Variants in COG6 observed in about 807,000 individuals in gnomAD.
The protein encoded by COG6 is component of oligomeric golgi complex 6.
Under a neutral mutation model 88.8 loss-of-function variants are expected in COG6, and 74 were observed. The observed-to-expected ratio is 0.83, with a 90% CI of 0.69 to 1.01. The LOEUF (loss-of-function observed/expected upper bound fraction) is 1.01. COG6 is among the 50% of genes least tolerant of loss of function. COG6 has a pLI of 0.00. For missense variants in COG6, 800 were observed against 797.9 expected (o/e 1.00, Z -0.03); for synonymous variants, 286 against 278.7 (o/e 1.03, Z -0.26).
intron 18 of COG6, among the ~76,000 whole-genome samples, chr13:39,733,106 A>T (rs962083794): frequency 2.0e-5 from 3 of 152,144 alleles, no homozygotes; most frequent in African/African-American, 4.8e-5. Context: ...AAAGTGAAAT[A>T]AATGTTTTGA....
intron 13 of COG6, among the ~76,000 whole-genome samples, chr13:39,714,106 C>T (rs758465884): frequency 6.6e-6 from 1 of 152,186 alleles, no homozygotes; most frequent in Admixed American, 6.5e-5. Flanking sequence ...CCTTAAAGAC[C>T]TTATTTCAAG....
chr13:39,656,168 G>A, intron 1 of COG6: 2 of 575,830 alleles, frequency 3.5e-6, no homozygotes, highest in Non-Finnish European at 6.6e-6. Flanking sequence ...GCCTCGAGAA[G>A]TGTCCTCCAA....
At position 39,655,753 on chromosome 13, in the gene COG6, C is replaced by A. The variant is rs1448652187; in HGVS notation, c.27C>A (p.Val9=). Residue 9 remains valine (V), a synonymous_variant, in exon 1 of 19, where the codon GTC becomes GTA. Transcript: ENST00000455146. MAEGSGEV[V]AVSATGAANG... ...TGGCAGAGGGCAGCGGGGAAGTGGT[C>A]GCAGTGTCTGCGACCGGGGCTGCCA... The A allele has an allele frequency of 3.1e-6, 5 of 1,594,528 alleles. No homozygotes were observed. The highest frequency in any genetic ancestry group is 4.3e-6 in the Non-Finnish European group (5 of 1,170,630).
Position 39,719,517 on chromosome 13 carries a change from A to G in COG6, c.1417-143A>G. On this transcript the variant is annotated intron_variant, in intron 14 of 18. Transcript: ENST00000455146. ...ATATTAAACCAGTTATCATAACTTAAAAAGCATTGATTTATGTTTAATCTT... is the reference window on the plus strand; with the variant it reads ...ATATTAAACCAGTTATCATAACTTAGAAAGCATTGATTTATGTTTAATCTT... 3 of 1,161,050 alleles carry G rather than the reference A, an allele frequency of 2.6e-6. 1 individual carries two copies. The highest frequency in any genetic ancestry group is 3.7e-6 in the Non-Finnish European group (3 of 801,070). The allele number at this position is 1,161,050 out of a possible 1,614,324, so 71.9% of individuals were successfully genotyped here. A position where few individuals can be genotyped will look rare whatever the true frequency, so the allele number is the denominator to read the frequency against.
At chr13:39,774,986 A>G (rs1430932458) in intron 18 of COG6, among the ~76,000 whole-genome samples, 1 of 152,234 alleles carries the variant, frequency 6.6e-6, no homozygotes, top group Non-Finnish European at 1.5e-5. Flanking sequence ...AAAAGAGGCT[A>G]TAAAAATGCA....
chr13:39,717,562 C>T (rs866346921), intron 13 of COG6, among the ~76,000 whole-genome samples: 2 of 151,932 alleles, frequency 1.3e-5, no homozygotes, highest in South Asian at 2.1e-4. Flanking sequence ...ATTATTTATT[C>T]CACCTGCTCA....
At chr13:39,679,455 T>C in intron 5 of COG6, 83 bp from the exon 6 acceptor site, 1 of 795,058 alleles carries the variant, frequency 1.3e-6, no homozygotes, top group Non-Finnish European at 2.3e-6. Flanking sequence ...AGAGTTTGTT[T>C]GCCCTTGGTA....
At chr13:39,749,223 T>A (rs1041570287) in intron 18 of COG6, among the ~76,000 whole-genome samples, 1 of 152,208 alleles carries the variant, frequency 6.6e-6, no homozygotes, top group African/African-American at 2.4e-5. Flanking sequence ...AATAGGACTC[T>A]GTAAATAAGG....
At chr13:39,742,366 A>T (rs375119932) in intron 18 of COG6, among the ~76,000 whole-genome samples, 3 of 152,284 alleles carry the variant, frequency 2.0e-5, no homozygotes, top group African/African-American at 7.2e-5. Context: ...CCCATCTCAC[A>T]TGCAGAGACA....
At chr13:39,756,906 G>A (rs1468250005), downstream of COG6, among the ~76,000 whole-genome samples, 4 of 151,562 alleles carry the variant, frequency 2.6e-5, no homozygotes, top group African/African-American at 9.8e-5. Context: ...GAAATGAAAG[G>A]ACGCTAGACA....
At chr13:39,767,281 G>T (rs570089940) in intron 18 of COG6, among the ~76,000 whole-genome samples, 218 of 152,248 alleles carry the variant, frequency 1.4e-3, no homozygotes, top group African/African-American at 4.7e-3. Context: ...AAAATAATTT[G>T]GCTCCTTCCG....
At chr13:39,773,067 A>G (rs1057213496) in intron 18 of COG6, among the ~76,000 whole-genome samples, 1 of 152,162 alleles carries the variant, frequency 6.6e-6, no homozygotes, top group African/African-American at 2.4e-5. Flanking sequence ...AGATGGAGGG[A>G]CTTGCCCCAG....
intron 18 of COG6, among the ~76,000 whole-genome samples, chr13:39,783,668 A>C (rs1881694976): frequency 6.6e-6 from 1 of 152,172 alleles, no homozygotes; most frequent in Non-Finnish European, 1.5e-5. Flanking sequence ...AAGTGACCAG[A>C]TATTCAATAT....
rs1880666386 is a variant in COG6, at chr13:39,752,074, A to C, written c.*981A>C. 2 of 1,285,652 alleles carry C rather than the reference A, an allele frequency of 1.6e-6. No homozygotes were observed. The highest frequency in any genetic ancestry group is 2.5e-5 in the South Asian group (2 of 80,784). The allele number at this position is 1,285,652 out of a possible 1,614,324, so 79.6% of individuals were successfully genotyped here. A position where few individuals can be genotyped will look rare whatever the true frequency, so the allele number is the denominator to read the frequency against. The stretch of plus-strand genomic sequence containing the variant: ...GGACTCTGACTTTAGACCATTACCT[A>C]TTAGGAAGATTAAAAATGACTGTAT... On this transcript the variant is annotated 3_prime_UTR_variant, in exon 19 of 19. Transcript: ENST00000455146.
downstream of COG6, among the ~76,000 whole-genome samples, chr13:39,757,453 G>A (rs1880874962): frequency 6.6e-6 from 1 of 151,456 alleles, no homozygotes; most frequent in Non-Finnish European, 1.5e-5. Flanking sequence ...AAATAATAAA[G>A]ATTATAACAG....
chr13:39,668,269 G>A (rs1395496243), intron 4 of COG6, among the ~76,000 whole-genome samples: 3 of 151,864 alleles, frequency 2.0e-5, no homozygotes, highest in Non-Finnish European at 2.9e-5. Context: ...CTCAGGATTC[G>A]GCCCTTTTAA....
chr13:39,712,442 G>T (rs1446951332), intron 13 of COG6, among the ~76,000 whole-genome samples: 1 of 151,452 alleles, frequency 6.6e-6, no homozygotes, highest in Non-Finnish European at 1.5e-5. Context: ...GATTAAATAT[G>T]TAGTGGTATA....
Position 39,679,604 on chromosome 13 carries a change from A to C in COG6, c.607A>C (p.Asn203His), listed in dbSNP as rs142984333. 73 of 1,605,092 alleles carry C rather than the reference A, an allele frequency of 4.5e-5. No individual in the cohort carries two copies. The highest frequency in any genetic ancestry group is 1.2e-4 in the South Asian group (11 of 90,906). ...TGATGTCAAAGTTCTCTTGCGTACAAATCAACAAACGGCAGGGTGAGTAAC... is the reference window on the plus strand; with the variant it reads ...TGATGTCAAAGTTCTCTTGCGTACACATCAACAAACGGCAGGGTGAGTAAC... ...HNDVKVLLRT[N>H]QQTAGLEIME... is the part of the protein sequence containing the mutation. The change falls in exon 6 of 19, where the codon AAT becomes CAT. Residue 203 changes from asparagine (N) to histidine (H), a missense_variant. Coordinates refer to ENST00000455146, the MANE Select transcript of COG6 (RefSeq NM_020751.3).
Position 39,752,091 on chromosome 13 carries a change from T to C in COG6, c.*998T>C, listed in dbSNP as rs553981717. On this transcript the variant is annotated 3_prime_UTR_variant, in exon 19 of 19. Coordinates refer to ENST00000455146, the MANE Select transcript of COG6 (RefSeq NM_020751.3). ...CATTACCTATTAGGAAGATTAAAAATGACTGTATTTTTAAAGGAATAAATC... is the reference window on the plus strand; with the variant it reads ...CATTACCTATTAGGAAGATTAAAAACGACTGTATTTTTAAAGGAATAAATC... 4.7e-5 allele frequency: 60 copies of C among 1,284,572 alleles called. No individual in the cohort carries two copies. The African/African-American group carries it at 6.7e-4, about 14-fold the overall frequency. 79.6% of individuals were successfully genotyped at this position (1,284,572 alleles called of 1,614,324 possible). A position where few individuals can be genotyped will look rare whatever the true frequency, so the allele number is the denominator to read the frequency against.
Sources: gnomAD v4.1 joint callset for allele counts (sites outside exome capture counted in the v4.1 genomes callset) on GRCh38, gnomAD v4.1.1 for gene constraint, MANE v1.5 for transcripts, NCBI Gene and HGNC (gene_info 2026-07-23, HGNC 2026-07-21) for gene names.